MATCAP2: variants seen among roughly 807,000 people sequenced by gnomAD.
MATCAP2 encodes putative tyrosine carboxypeptidase MATCAP2.
the MATCAP2 span, among the ~76,000 whole-genome samples, chr7:36,329,772 A>T: frequency 6.6e-6 from 1 of 152,242 alleles, no homozygotes; most frequent in African/African-American, 2.4e-5. Context: ...ATCACCCCAA[A>T]GACTATTTAC....
chr7:36,368,336 A>T, the MATCAP2 span: 3 of 152,254 alleles, frequency 2.0e-5, no homozygotes, highest in Admixed American at 2.0e-4. Context: ...GTTGAATATC[A>T]GGACCGTCAC....
the MATCAP2 span, chr7:36,334,085 T>C: frequency 1.9e-6 from 3 of 1,614,196 alleles, no homozygotes; most frequent in Non-Finnish European, 2.5e-6. Flanking sequence ...TATTTGGCTT[T>C]AGCTCATGTT....
At chr7:36,378,588 C>T in the MATCAP2 span, among the ~76,000 whole-genome samples, 2 of 152,232 alleles carry the variant, frequency 1.3e-5, no homozygotes, top group Non-Finnish European at 2.9e-5. Context: ...TGTCTGTTCT[C>T]AGAGCTTAAA....
chr7:36,343,798 G>A, the MATCAP2 span, among the ~76,000 whole-genome samples: 1 of 151,904 alleles, frequency 6.6e-6, no homozygotes, highest in Non-Finnish European at 1.5e-5. Context: ...GGTGAGACAT[G>A]TGAAATGCAT....
chr7:36,364,161 C>T, the MATCAP2 span, among the ~76,000 whole-genome samples: 2 of 151,112 alleles, frequency 1.3e-5, no homozygotes, highest in East Asian at 3.9e-4. Context: ...TCCTGACTCA[C>T]TGCAACCTCT....
At chr7:36,378,791 C>T in the MATCAP2 span, among the ~76,000 whole-genome samples, 1 of 152,232 alleles carries the variant, frequency 6.6e-6, no homozygotes, top group African/African-American at 2.4e-5. Flanking sequence ...TTTACCTACT[C>T]AAGACTCAGC....
chr7:36,361,406 A>G, the MATCAP2 span, among the ~76,000 whole-genome samples: 1 of 152,230 alleles, frequency 6.6e-6, no homozygotes, highest in Non-Finnish European at 1.5e-5. Context: ...GGCAAATACT[A>G]TTCAACCAGT....
At chr7:36,338,478 T>G in the MATCAP2 span, among the ~76,000 whole-genome samples, 1 of 152,090 alleles carries the variant, frequency 6.6e-6, no homozygotes, top group African/African-American at 2.4e-5. Context: ...TAAAATTTTT[T>G]GTAGAGACAG....
chr7:36,378,857 T>A, the MATCAP2 span, among the ~76,000 whole-genome samples: 1 of 152,244 alleles, frequency 6.6e-6, no homozygotes, highest in African/African-American at 2.4e-5. Flanking sequence ...GATCTCGGAC[T>A]GCTGTGCTAG....
At chr7:36,360,794 A>G in the MATCAP2 span, among the ~76,000 whole-genome samples, 1 of 152,220 alleles carries the variant, frequency 6.6e-6, no homozygotes, top group Non-Finnish European at 1.5e-5. Context: ...ATTAAAGAAC[A>G]TCCTATTCTC....
the MATCAP2 span, among the ~76,000 whole-genome samples, chr7:36,340,516 C>T: frequency 9.9e-5 from 15 of 152,232 alleles, no homozygotes; most frequent in African/African-American, 3.4e-4. Context: ...ATGGGAGCTA[C>T]ATCAATGTTC....
chr7:36,363,932 T>A, the MATCAP2 span, among the ~76,000 whole-genome samples: 1 of 152,180 alleles, frequency 6.6e-6, no homozygotes, highest in Non-Finnish European at 1.5e-5. Context: ...AAAATGTACA[T>A]AGGGAAATAT....
At chr7:36,324,892 C>T in the MATCAP2 span, 49 of 152,198 alleles carry the variant, frequency 3.2e-4, no homozygotes, top group African/African-American at 1.0e-3. Context: ...GCAAATGATC[C>T]GACCAACAGG....
the MATCAP2 span, among the ~76,000 whole-genome samples, chr7:36,334,687 G>A: frequency 6.6e-6 from 1 of 152,064 alleles, no homozygotes; most frequent in Non-Finnish European, 1.5e-5. Context: ...CTCAAGAGAG[G>A]AGGTATAACC....
At chr7:36,343,788 G>A in the MATCAP2 span, among the ~76,000 whole-genome samples, 2 of 149,554 alleles carry the variant, frequency 1.3e-5, no homozygotes, top group South Asian at 2.1e-4. Flanking sequence ...TGAGAGGGAA[G>A]GTGAGACATG....
chr7:36,380,701 G>A, the MATCAP2 span, among the ~76,000 whole-genome samples: 1 of 152,156 alleles, frequency 6.6e-6, no homozygotes, highest in Non-Finnish European at 1.5e-5. Flanking sequence ...TTAAGAAGCT[G>A]GATTAGGTGA....
At chr7:36,330,066 TTTTATTTTA>T in the MATCAP2 span, among the ~76,000 whole-genome samples, 56 of 143,174 alleles carry the variant, frequency 3.9e-4, no homozygotes, top group Non-Finnish European at 6.5e-4. Flanking sequence ...TTTTATTTTA[TTTTATTTTA>T]TTTATTTATT....
At chr7:36,364,316 G>A in the MATCAP2 span, among the ~76,000 whole-genome samples, 4 of 152,048 alleles carry the variant, frequency 2.6e-5, no homozygotes, top group South Asian at 2.1e-4. Flanking sequence ...TTGAACTCCT[G>A]AGCTCAGGTA....
the MATCAP2 span, among the ~76,000 whole-genome samples, chr7:36,379,831 C>CAG: frequency 1.5e-5 from 2 of 137,514 alleles, no homozygotes; most frequent in Non-Finnish European, 3.2e-5. Context: ...CACACACACA[C>CAG]ACACACACAC....
Sources: gnomAD v4.1 joint callset for allele counts (sites outside exome capture counted in the v4.1 genomes callset) on GRCh38, gnomAD v4.1.1 for gene constraint, MANE v1.5 for transcripts, NCBI Gene and HGNC (gene_info 2026-07-23, HGNC 2026-07-21) for gene names.